EPHB2: variants seen among roughly 807,000 people sequenced by gnomAD.
EPHB2 encodes the protein EPH receptor B2, also known as ephrin type-B receptor 2.
Under a neutral mutation model 96.4 loss-of-function variants are expected in EPHB2, and 18 were observed. The observed-to-expected ratio is 0.19, with a 90% CI of 0.13 to 0.28. EPHB2 has a LOEUF of 0.28. Ranked by LOEUF, EPHB2 falls within the 10% of genes least tolerant of loss-of-function variation. The pLI is 1.00. For missense variants in EPHB2, 989 were observed against 1,355.4 expected, an observed-to-expected ratio of 0.73 and a Z score of 4.25; for synonymous variants, 506 against 534.1, an observed-to-expected ratio of 0.95 and a Z score of 0.72.
intron 6 of EPHB2, 23 bp downstream of exon 6, chr1:22,882,506 C>T: frequency 6.2e-7 from 1 of 1,612,758 alleles, no homozygotes; most frequent in Non-Finnish European, 8.5e-7. Flanking sequence ...TGGGTGCTGT[C>T]CCCATCACCC....
At position 22,913,367 on chromosome 1, in the gene EPHB2, C is replaced by T; in HGVS notation, c.2853-95C>T. On this transcript the variant is annotated intron_variant, in intron 15 of 15. Transcript: ENST00000374630. The surrounding 1 kb of genome is among the most constrained non-coding windows in gnomAD (Gnocchi z 4.1). The stretch of plus-strand genomic sequence containing the variant: ...CCACTCCCCAGTACTCCTTGCTTTG[C>T]CATCTTCCTCCCGGGGAAGCCCAGG... The T allele has an allele frequency of 6.6e-7, 1 of 1,510,460 alleles. No homozygotes were observed. Among genetic ancestry groups the T allele is most frequent in the Non-Finnish European group, 9.0e-7 (1 of 1,108,078 alleles). 93.6% of individuals were successfully genotyped at this position (1,510,460 alleles called of 1,614,324 possible).
intron 9 of EPHB2, among the ~76,000 whole-genome samples, chr1:22,900,166 C>T (rs1025146998): frequency 4.6e-5 from 7 of 150,580 alleles, no homozygotes; most frequent in Non-Finnish European, 7.4e-5. Context: ...TGGTGGTGCA[C>T]GCCTGTAATC....
rs1269672985 is a variant in EPHB2, at chr1:22,727,830, T to TG, written c.61+16791dup. Among the ~76,000 whole-genome samples, 5 of 147,992 alleles carry TG rather than the reference T, an allele frequency of 3.4e-5. No individual in the cohort carries two copies. In the East Asian group the frequency reaches 7.9e-4, roughly 24 times the overall value. On this transcript the variant is annotated intron_variant, in intron 1 of 15. Transcript: ENST00000374630. ...AAAAAACTTTTTTTTTTAATGGAGA[T>TG]GGGGTCTCCTCTGTATTGCCCAGGC...
At chr1:22,770,212 AGT>A (rs1243122248) in intron 1 of EPHB2, among the ~76,000 whole-genome samples, 1 of 152,106 alleles carries the variant, frequency 6.6e-6, no homozygotes, top group Non-Finnish European at 1.5e-5. Context: ...TAGGTGGGTG[AGT>A]GAGCAGATGT....
intron 1 of EPHB2, among the ~76,000 whole-genome samples, chr1:22,712,060 G>A (rs1643164417): frequency 6.6e-6 from 1 of 152,210 alleles, no homozygotes; most frequent in Non-Finnish European, 1.5e-5. Context: ...GAAGTACTTC[G>A]CACTATACGC....
intron 15 of EPHB2, 136 bp downstream of exon 15, chr1:22,912,735 C>A: frequency 2.2e-6 from 3 of 1,342,172 alleles, no homozygotes; most frequent in South Asian, 1.2e-5. Flanking sequence ...GCAAGATGGC[C>A]AACTTTGGAG....
intron 7 of EPHB2, 28 bp from the exon 8 acceptor site, chr1:22,895,444 A>G: frequency 6.2e-7 from 1 of 1,610,180 alleles, no homozygotes; most frequent in Non-Finnish European, 8.5e-7. Flanking sequence ...AGCCAGGCTG[A>G]GAATGCCCTA....
chr1:22,870,036 G>A (rs1207158854), intron 5 of EPHB2, among the ~76,000 whole-genome samples: 3 of 152,254 alleles, frequency 2.0e-5, no homozygotes, highest in East Asian at 1.9e-4. Flanking sequence ...AAGTGCAATC[G>A]GGCTGGGAAA....
At position 22,910,384 on chromosome 1, in the gene EPHB2, A is replaced by G. The variant is rs1432508468; in HGVS notation, c.2505A>G (p.Val835=). The change falls in exon 14 of 16, where the codon GTA becomes GTG. Residue 835 remains valine, a splice_region_variant and synonymous_variant. Transcript: ENST00000374630. ...RPYWDMTNQD[V]INAIEQDYRL... is the part of the protein sequence containing the mutation. ...ACTGCACTCCTGCATTGTCCCAGGT[A>G]ATCAATGCCATTGAGCAGGACTATC... 3 of 1,614,182 alleles carry G rather than the reference A, an allele frequency of 1.9e-6. No homozygotes were observed. Among genetic ancestry groups the G allele is most frequent in the Non-Finnish European group, 2.5e-6 (3 of 1,180,006 alleles).
intron 3 of EPHB2, among the ~76,000 whole-genome samples, chr1:22,797,655 G>A (rs2148442772): frequency 6.6e-6 from 1 of 152,162 alleles, no homozygotes. Flanking sequence ...CTCCCACCCT[G>A]CCTCCTCCAG....
At chr1:22,861,428 AG>A (rs1198636203) in intron 3 of EPHB2, among the ~76,000 whole-genome samples, 3 of 152,198 alleles carry the variant, frequency 2.0e-5, no homozygotes, top group Non-Finnish European at 4.4e-5. Flanking sequence ...GCTTGAGCCC[AG>A]GAGTTCAAGA....
At chr1:22,833,426 G>C (rs1488408832) in intron 3 of EPHB2, among the ~76,000 whole-genome samples, 1 of 152,110 alleles carries the variant, frequency 6.6e-6, no homozygotes, top group East Asian at 1.9e-4. Flanking sequence ...CCTCATTTAA[G>C]AGATTTTTGA....
chr1:22,896,511 G>A (rs1398128950), intron 9 of EPHB2, 33 bp downstream of exon 9: 2 of 1,613,820 alleles, frequency 1.2e-6, no homozygotes, highest in East Asian at 2.2e-5. Flanking sequence ...TGGAACCCTT[G>A]GGCCCTTCAC....
chr1:22,813,813 A>G (rs552172209), intron 3 of EPHB2, among the ~76,000 whole-genome samples: 1 of 152,218 alleles, frequency 6.6e-6, no homozygotes, highest in African/African-American at 2.4e-5. Flanking sequence ...CCAGTATTCT[A>G]TTCATCCCCC....
At chr1:22,713,222 A>G (rs1643202432) in intron 1 of EPHB2, among the ~76,000 whole-genome samples, 2 of 152,142 alleles carry the variant, frequency 1.3e-5, no homozygotes, top group South Asian at 4.1e-4. Flanking sequence ...CCTGGACACT[A>G]GGAAGTTAGT....
At chr1:22,845,956 G>A (rs745681206) in intron 3 of EPHB2, among the ~76,000 whole-genome samples, 4 of 152,168 alleles carry the variant, frequency 2.6e-5, no homozygotes, top group African/African-American at 4.8e-5. Flanking sequence ...AACTGAGAAG[G>A]TGTGGGATCT....
At position 22,892,957 on chromosome 1, in the gene EPHB2, G is replaced by A; in HGVS notation, c.1502G>A (p.Gly501Asp). 2 of 1,614,248 alleles carry A rather than the reference G, an allele frequency of 1.2e-6. No homozygotes were observed. Among genetic ancestry groups the A allele is most frequent in the East Asian group, 2.2e-5 (1 of 44,874 alleles). ...GTCACCGTGCAGGGCCTCAAAGCCGGCGCCATCTATGTCTTCCAGGTGCGG... is the reference window on the plus strand; with the variant it reads ...GTCACCGTGCAGGGCCTCAAAGCCGACGCCATCTATGTCTTCCAGGTGCGG... ...NTVTVQGLKA[G>D]AIYVFQVRAR... Residue 501 changes from glycine (G) to aspartate (D), a missense_variant, in exon 7 of 16, where the codon GGC becomes GAC. By Grantham distance (94) the Gly-to-Asp change is moderately conservative. Transcript: ENST00000374630.
intron 3 of EPHB2, among the ~76,000 whole-genome samples, chr1:22,818,220 GC>G (rs1412853517): frequency 3.9e-5 from 6 of 152,016 alleles, no homozygotes; most frequent in African/African-American, 1.5e-4. Flanking sequence ...TACCTGGCCA[GC>G]CCCCCACGAC....
chr1:22,904,763 A>G (rs995125057), intron 9 of EPHB2, among the ~76,000 whole-genome samples: 2 of 152,278 alleles, frequency 1.3e-5, no homozygotes, highest in African/African-American at 4.8e-5. Context: ...AAAATAGGCT[A>G]TAAGCCAATT....
Sources: gnomAD v4.1 joint callset for allele counts (sites outside exome capture counted in the v4.1 genomes callset) on GRCh38, gnomAD v4.1.1 for gene constraint, Gnocchi (gnomAD v3.1) non-coding constraint, MANE v1.5 for transcripts, NCBI Gene and HGNC (gene_info 2026-07-23, HGNC 2026-07-21) for gene names.